The following GABRA3 variants were observed in gnomAD, a reference collection of about 807,000 sequenced individuals.
The protein encoded by GABRA3 is gamma-aminobutyric acid receptor subunit alpha-3.
In GABRA3, 10 loss-of-function variants were observed where a neutral mutation model predicts 30.1. The ratio of observed to expected loss-of-function variants is 0.33; its 90% CI spans 0.20 to 0.56. The LOEUF is 0.56. GABRA3 is among the 20% of genes least tolerant of loss of function. The pLI is 0.89. For synonymous variants in GABRA3, 151 were observed against 146.8 expected, an observed-to-expected ratio of 1.03 and a Z score of -0.21; for missense variants, 233 against 392.0, an observed-to-expected ratio of 0.59 and a Z score of 3.42.
chrX:152,277,987 T>C (rs1438882546), intron 4 of GABRA3, among the ~76,000 whole-genome samples: 1 of 112,175 alleles, frequency 8.9e-6, no homozygotes, highest in East Asian at 2.8e-4. Context: ...ATTTTCCCAT[T>C]ACAAGGGCCA....
chrX:152,221,087 A>G (rs1317520547), intron 6 of GABRA3, among the ~76,000 whole-genome samples: 2 of 110,956 alleles, frequency 1.8e-5, no homozygotes, highest in Admixed American at 1.9e-4. Context: ...AATAAAGAAA[A>G]TTTCTTAATT....
rs190208971 is a variant in GABRA3 at position 152,267,617 on chromosome X, G to A, written c.331-11619C>T. ...TTTTTTAAATGTTTGCTGGAATTAAGCAATGCAGCCATCAGGTCCTGGGTT... is the reference window on the plus strand; with the variant it reads ...TTTTTTAAATGTTTGCTGGAATTAAACAATGCAGCCATCAGGTCCTGGGTT... On this transcript the variant is annotated intron_variant, in intron 4 of 9. Coordinates refer to ENST00000370314, the MANE Select transcript of GABRA3 (RefSeq NM_000808.4). 3.5e-3 allele frequency among the ~76,000 whole-genome samples: 394 copies of A among 111,215 alleles called. 3 individuals carry two copies. The highest frequency in any genetic ancestry group is 0.018 in the South Asian group (47 of 2,662).
intron 1 of GABRA3, among the ~76,000 whole-genome samples, chrX:152,409,160 C>A (rs1433578299): frequency 3.6e-5 from 4 of 110,955 alleles, no homozygotes; most frequent in Non-Finnish European, 7.6e-5. Context: ...TGAGACCAGC[C>A]TGGGTAACAT....
intron 7 of GABRA3, among the ~76,000 whole-genome samples, chrX:152,201,970 T>C (rs1937489850): frequency 1.8e-5 from 2 of 112,514 alleles, no homozygotes; most frequent in African/African-American, 6.5e-5. Flanking sequence ...CTAGGAAAGA[T>C]GGATATATAA....
chrX:152,400,361 T>C (rs1299609292), intron 1 of GABRA3, among the ~76,000 whole-genome samples: 1 of 109,481 alleles, frequency 9.1e-6, no homozygotes, highest in Admixed American at 9.8e-5. Flanking sequence ...TAAATAAAAT[T>C]AGCTGGGCAT....
intron 1 of GABRA3, among the ~76,000 whole-genome samples, chrX:152,409,537 C>T (rs867394680): frequency 9.9e-5 from 11 of 111,011 alleles, no homozygotes; most frequent in Middle Eastern, 4.3e-3. Flanking sequence ...CACATAAAGC[C>T]AAAAGTCTAC....
chrX:152,270,114 T>C (rs1473078802), intron 4 of GABRA3, among the ~76,000 whole-genome samples: 1 of 112,078 alleles, frequency 8.9e-6, no homozygotes, highest in African/African-American at 3.2e-5. Context: ...TTTGGCTGTG[T>C]ACCCACCCAA....
At chrX:152,221,538 A>G (rs1301494702) in intron 6 of GABRA3, among the ~76,000 whole-genome samples, 3 of 111,905 alleles carry the variant, frequency 2.7e-5, no homozygotes, top group Non-Finnish European at 5.6e-5. Flanking sequence ...ATATTTCCAT[A>G]TAAACTTTAG....
intron 5 of GABRA3, among the ~76,000 whole-genome samples, chrX:152,255,223 C>A (rs1480838885): frequency 1.8e-5 from 2 of 111,286 alleles, no homozygotes; most frequent in African/African-American, 6.5e-5. Context: ...TATTATCATC[C>A]TCAGTATCCT....
At chrX:152,340,461 C>G (rs1292119664) in intron 3 of GABRA3, among the ~76,000 whole-genome samples, 1 of 112,356 alleles carries the variant, frequency 8.9e-6, no homozygotes, top group African/African-American at 3.2e-5. Context: ...TGTATAGATC[C>G]AGATTTCTAT....
At chrX:152,407,656 G>A (rs1929969232) in intron 1 of GABRA3, among the ~76,000 whole-genome samples, 1 of 111,429 alleles carries the variant, frequency 9.0e-6, no homozygotes, top group Non-Finnish European at 1.9e-5. Context: ...ATTTAAAGAA[G>A]AACTAACATC....
At chrX:152,323,389 A>G (rs749881973) in intron 3 of GABRA3, among the ~76,000 whole-genome samples, 9 of 111,754 alleles carry the variant, frequency 8.1e-5, no homozygotes, top group Non-Finnish European at 1.7e-4. Context: ...CCAATGTTCT[A>G]TTCCTTGAAC....
chrX:152,211,187 T>A (rs1937625914), intron 6 of GABRA3, among the ~76,000 whole-genome samples: 1 of 110,425 alleles, frequency 9.1e-6, no homozygotes, highest in African/African-American at 3.3e-5. Context: ...AACAGGTTCG[T>A]TCAGGGAAAG....
chrX:152,200,389 T>C (rs1015591813), intron 7 of GABRA3, among the ~76,000 whole-genome samples: 1 of 112,474 alleles, frequency 8.9e-6, no homozygotes, highest in Non-Finnish European at 1.9e-5. Flanking sequence ...TGTATTCACA[T>C]CTTAGCTTGT....
At chrX:152,423,194 G>C (rs923864297) in intron 1 of GABRA3, among the ~76,000 whole-genome samples, 13 of 111,944 alleles carry the variant, frequency 1.2e-4, no homozygotes, top group African/African-American at 4.2e-4. Flanking sequence ...ACTGGTGATA[G>C]GTGTTGCCTC....
intron 3 of GABRA3, among the ~76,000 whole-genome samples, chrX:152,288,187 T>C (rs1939331673): frequency 9.0e-6 from 1 of 111,631 alleles, no homozygotes; most frequent in Admixed American, 9.6e-5. Context: ...GCAGGGATAT[T>C]TGACATGACT....
intron 5 of GABRA3, among the ~76,000 whole-genome samples, chrX:152,226,731 C>T (rs1485701848): frequency 9.0e-6 from 1 of 111,599 alleles, no homozygotes; most frequent in Non-Finnish European, 1.9e-5. Context: ...AGGATATGAA[C>T]AGACACTTCT....
At chrX:152,239,576 C>A (rs1938310372) in intron 5 of GABRA3, among the ~76,000 whole-genome samples, 2 of 91,194 alleles carry the variant, frequency 2.2e-5, no homozygotes, top group Admixed American at 2.5e-4. Flanking sequence ...GTTGATCTGT[C>A]TAATGTTGAC....
At chrX:152,267,187 C>T (rs1379627607) in intron 4 of GABRA3, among the ~76,000 whole-genome samples, 1 of 111,388 alleles carries the variant, frequency 9.0e-6, no homozygotes, top group African/African-American at 3.2e-5. Context: ...TATGTTCCTT[C>T]TATGTCCATT....
Sources: allele counts gnomAD v4.1 joint callset (sites outside exome capture counted in the v4.1 genomes callset), GRCh38; gene constraint gnomAD v4.1.1; transcripts MANE v1.5; gene names NCBI Gene and HGNC (gene_info 2026-07-23, HGNC 2026-07-21).